Variants in CLDN10 observed in about 807,000 individuals in gnomAD.
CLDN10 encodes claudin-10.
CLDN10 carries 15 observed loss-of-function variants against 22.9 expected under a neutral mutation model. The observed-to-expected ratio is 0.65, with a 90% CI of 0.44 to 1.01. The LOEUF (loss-of-function observed/expected upper bound fraction) is 1.01. CLDN10 is among the 50% of genes least tolerant of loss of function. The pLI is 0.00. For missense variants in CLDN10, 247 were observed against 287.8 expected, an observed-to-expected ratio of 0.86 and a Z score of 1.03; for synonymous variants, 114 against 111.4, an observed-to-expected ratio of 1.02 and a Z score of -0.15.
At chr13:95,567,208 G>C (rs1217030717) in intron 3 of CLDN10, among the ~76,000 whole-genome samples, 3 of 152,082 alleles carry the variant, frequency 2.0e-5, no homozygotes, top group Admixed American at 6.5e-5. Context: ...AAATTACCTT[G>C]GGCAGTATGG....
intron 1 of CLDN10, among the ~76,000 whole-genome samples, chr13:95,471,244 C>G (rs372961270): frequency 1.3e-5 from 2 of 151,978 alleles, no homozygotes; most frequent in Admixed American, 6.6e-5. Context: ...GTTGGAGTGA[C>G]TGTCTCGAGA....
intron 1 of CLDN10, among the ~76,000 whole-genome samples, chr13:95,502,540 G>T (rs1171819840): frequency 6.6e-6 from 1 of 152,052 alleles, no homozygotes; most frequent in East Asian, 1.9e-4. Context: ...TGTTTTTTGA[G>T]ACAGAGTCCC....
chr13:95,489,061 C>T (rs1345587676), intron 1 of CLDN10, among the ~76,000 whole-genome samples: 1 of 142,630 alleles, frequency 7.0e-6, no homozygotes, highest in African/African-American at 2.7e-5. Flanking sequence ...AAGTAATTCT[C>T]CTGCCTCAGC....
chr13:95,550,820 CTTTTTTTTT>C (rs56225257), upstream of CLDN10, among the ~76,000 whole-genome samples: 36 of 85,546 alleles, frequency 4.2e-4, no homozygotes, highest in Admixed American at 2.0e-3. Context: ...TAGGAAGATA[CTTTTTTTTT>C]TTTTTTTTTT....
intron 1 of CLDN10, among the ~76,000 whole-genome samples, chr13:95,493,654 G>A (rs1039005853): frequency 5.9e-5 from 9 of 151,420 alleles, no homozygotes; most frequent in African/African-American, 2.2e-4. Context: ...CCACCTTCCG[G>A]GTTCAAGAGA....
At chr13:95,577,841 C>A in intron 4 of CLDN10, 59 bp from the exon 5 acceptor site, 1 of 1,052,824 alleles carries the variant, frequency 9.5e-7, no homozygotes, top group South Asian at 1.4e-5. Flanking sequence ...CAGTTTCTTC[C>A]CATTTTTGTT....
intron 3 of CLDN10, among the ~76,000 whole-genome samples, chr13:95,568,111 ACTT>A (rs1162976446): frequency 1.3e-5 from 2 of 152,166 alleles, no homozygotes; most frequent in Non-Finnish European, 2.9e-5. Context: ...TCTCTTCTAT[ACTT>A]ATTATAATTT....
chr13:95,571,656 C>T (rs927385441), intron 3 of CLDN10, among the ~76,000 whole-genome samples: 1 of 152,072 alleles, frequency 6.6e-6, no homozygotes, highest in Non-Finnish European at 1.5e-5. Flanking sequence ...CTGATAATTG[C>T]TGTAGAATAC....
intron 1 of CLDN10, among the ~76,000 whole-genome samples, chr13:95,471,440 C>CACACATATATATATATATATAT (rs746573300): frequency 4.8e-5 from 5 of 104,378 alleles, no homozygotes; most frequent in East Asian, 3.3e-4. Context: ...CACACACACA[C>CACACATATATATATATATATAT]ATATATATAT....
chr13:95,493,020 G>A (rs1414769429), intron 1 of CLDN10, among the ~76,000 whole-genome samples: 1 of 152,160 alleles, frequency 6.6e-6, no homozygotes, highest in Admixed American at 6.5e-5. Context: ...CACAGTATTT[G>A]GGGTGTCTCC....
intron 1 of CLDN10, among the ~76,000 whole-genome samples, chr13:95,492,498 G>A (rs563213365): frequency 9.2e-5 from 14 of 152,166 alleles, no homozygotes; most frequent in Non-Finnish European, 1.6e-4. Flanking sequence ...CCGAAGGGTC[G>A]GCCTCACTCC....
chr13:95,542,765 C>A (rs2043472291), intron 1 of CLDN10, among the ~76,000 whole-genome samples: 1 of 152,100 alleles, frequency 6.6e-6, no homozygotes, highest in Non-Finnish European at 1.5e-5. Context: ...CAAGATGGTG[C>A]CACTGCATTC....
At chr13:95,451,149 T>C (rs1027496282) in intron 1 of CLDN10, among the ~76,000 whole-genome samples, 3 of 152,180 alleles carry the variant, frequency 2.0e-5, no homozygotes, top group Admixed American at 6.5e-5. Flanking sequence ...CACTTATCCA[T>C]CAAGGACTCT....
chr13:95,484,808 A>G (rs7489518), intron 1 of CLDN10, among the ~76,000 whole-genome samples: 87,390 of 145,980 alleles, frequency 0.6, 27,293 homozygotes, highest in African/African-American at 0.79. Context: ...GGAGGTTGGA[A>G]TGAGCCAAGA....
intron 1 of CLDN10, 79 bp downstream of exon 1, chr13:95,553,052 C>T (rs1226047456): frequency 4.5e-6 from 7 of 1,547,310 alleles, no homozygotes; most frequent in East Asian, 4.7e-5. Flanking sequence ...GCCCCCAATA[C>T]CCCCAGCGGG....
rs369708084 is a variant in CLDN10, at chr13:95,446,734, T to C, written c.214+12687T>C. ...GCAGGCACCTGTAATTCCAGCTATT[T>C]GGGAGGCTGAGGCAGGAGAATCGCT... On this transcript the variant is annotated intron_variant, in intron 1 of 4. Coordinates refer to the CLDN10 transcript ENST00000376873. Among the ~76,000 whole-genome samples, 4 of 151,952 alleles carry C rather than the reference T, an allele frequency of 2.6e-5. No homozygotes were observed. The East Asian group carries it at 7.8e-4, about 29-fold the overall frequency.
chr13:95,549,160 A>C (rs1026274274), upstream of CLDN10, among the ~76,000 whole-genome samples: 4 of 152,246 alleles, frequency 2.6e-5, no homozygotes, highest in Non-Finnish European at 5.9e-5. Context: ...AGTAGTTTTC[A>C]TATTGGAAAA....
Position 95,578,170 on chromosome 13 carries a change from ATAGT to A in CLDN10, c.*163_*166del, listed in dbSNP as rs770460411. 145 of 532,808 alleles carry A rather than the reference ATAGT, an allele frequency of 2.7e-4. 1 individual carries two copies. The highest frequency in any genetic ancestry group is 5.6e-4 in the Middle Eastern group (2 of 3,566). 33.0% of individuals were successfully genotyped at this position (532,808 alleles called of 1,614,324 possible). On this transcript the variant is annotated 3_prime_UTR_variant, in exon 5 of 5. Transcript: ENST00000299339. ...ATTGTATGGATGTAAGTGTTCTTACATAGTTAGTTATATACTAATCATTTTCTGT... is the reference window on the plus strand; with the variant it reads ...ATTGTATGGATGTAAGTGTTCTTACATAGTTATATACTAATCATTTTCTGT...
intron 1 of CLDN10, among the ~76,000 whole-genome samples, chr13:95,475,838 C>CTT (rs1326412220): frequency 6.6e-6 from 1 of 151,370 alleles, no homozygotes; most frequent in Non-Finnish European, 1.5e-5. Flanking sequence ...CTCTTTCCCT[C>CTT]TCTCTCTCTC....
Sources: gnomAD v4.1 joint callset for allele counts (sites outside exome capture counted in the v4.1 genomes callset) on GRCh38, gnomAD v4.1.1 for gene constraint, MANE v1.5 for transcripts, NCBI Gene and HGNC (gene_info 2026-07-23, HGNC 2026-07-21) for gene names.